SEL1L3: variants seen among roughly 807,000 people sequenced by gnomAD.
SEL1L3 encodes protein sel-1 homolog 3.
SEL1L3 carries 76 observed loss-of-function variants against 142.8 expected under a neutral mutation model. The observed-to-expected ratio is 0.53, with a 90% CI of 0.44 to 0.64. The LOEUF (loss-of-function observed/expected upper bound fraction) is 0.64, where lower values mean the gene tolerates loss of function less well. Among genes scored for constraint, SEL1L3 ranks in the 30% least tolerant of loss-of-function variants. The pLI, the probability that SEL1L3 is intolerant of heterozygous loss-of-function variation, is 0.00. For synonymous variants in SEL1L3, 504 were observed against 519.6 expected (o/e 0.97, Z 0.41); for missense variants, 1,262 against 1,381.7 (o/e 0.91, Z 1.37).
chr4:25,721,391 C>G, the SEL1L3 span, among the ~76,000 whole-genome samples: 9 of 151,314 alleles, frequency 5.9e-5, no homozygotes, highest in Non-Finnish European at 1.2e-4. Context: ...AAGCTCAGCT[C>G]TTTTGCGTTT....
intron 1 of SEL1L3, among the ~76,000 whole-genome samples, chr4:25,861,564 AAAAG>A (rs570007278): frequency 6.6e-6 from 1 of 152,202 alleles, no homozygotes; most frequent in Non-Finnish European, 1.5e-5. Context: ...TTAGCTTCCA[AAAAG>A]AAAGACTCCA....
At chr4:25,774,786 A>G (rs1719489626) in intron 17 of SEL1L3, among the ~76,000 whole-genome samples, 1 of 152,274 alleles carries the variant, frequency 6.6e-6, no homozygotes, top group South Asian at 2.1e-4. Flanking sequence ...CGGAGGCTGC[A>G]GTGAGCCAAG....
intron 7 of SEL1L3, among the ~76,000 whole-genome samples, 160 bp downstream of exon 7, chr4:25,821,836 G>C (rs530859013): frequency 5.3e-4 from 80 of 152,230 alleles, no homozygotes; most frequent in Admixed American, 2.3e-3. Flanking sequence ...AATTTTTATT[G>C]CATTTGCTGG....
the SEL1L3 span, among the ~76,000 whole-genome samples, chr4:25,724,565 C>A: frequency 6.6e-6 from 1 of 151,314 alleles, no homozygotes; most frequent in African/African-American, 2.4e-5. Context: ...CACAGTGAAA[C>A]CGTCTCTACT....
At chr4:25,846,029 T>C (rs1319497802) in intron 2 of SEL1L3, among the ~76,000 whole-genome samples, 4 of 152,126 alleles carry the variant, frequency 2.6e-5, no homozygotes, top group African/African-American at 9.7e-5. Flanking sequence ...GGAATTTGCA[T>C]TTGCAACAAG....
chr4:25,821,950 C>G (rs749975024), intron 7 of SEL1L3, 46 bp downstream of exon 7: 11 of 1,594,146 alleles, frequency 6.9e-6, no homozygotes, highest in Admixed American at 3.5e-5. Flanking sequence ...GAGGCCCACA[C>G]CCATCACCCA....
intron 9 of SEL1L3, among the ~76,000 whole-genome samples, chr4:25,811,479 A>G (rs1213148716): frequency 6.6e-6 from 1 of 151,314 alleles, no homozygotes; most frequent in Non-Finnish European, 1.5e-5. Flanking sequence ...AACTCTTAGC[A>G]GTCTGGATTG....
At chr4:25,777,120 T>C (rs1038180207) in intron 16 of SEL1L3, among the ~76,000 whole-genome samples, 7 of 151,806 alleles carry the variant, frequency 4.6e-5, no homozygotes, top group Admixed American at 4.6e-4. Context: ...CATTTAAGAA[T>C]GAAGAAAAGT....
rs532578805 is a variant in SEL1L3 at position 25,847,401 on chromosome 4, G to A, written c.626C>T (p.Pro209Leu). The A allele has an allele frequency of 2.9e-5, 46 of 1,613,850 alleles. No individual in the cohort carries two copies. Among genetic ancestry groups the A allele is most frequent in the South Asian group, 3.3e-5 (3 of 91,084 alleles). Residue 209 changes from proline to leucine, a missense_variant, in exon 2 of 24, where the codon CCG becomes CTG. By Grantham distance (98) the Pro-to-Leu change is moderately conservative (BLOSUM62 -3). This residue lies in a region of SEL1L3 where 689 missense variants were observed against 692.8 expected (regional missense o/e 0.99). Coordinates refer to ENST00000399878, the MANE Select transcript of SEL1L3 (RefSeq NM_015187.5). ...AKNYTLLQTIPPFERPFKDHQ... is the reference protein window; with the variant it reads ...AKNYTLLQTILPFERPFKDHQ... ...ATCTTTGAAAGGGCGTTCAAAAGGC[G>A]GGATGGTCTGCAGGAGGGTATAATT... is the stretch of plus-strand genomic sequence containing the variant.
At position 25,819,868 on chromosome 4, in the gene SEL1L3, G is replaced by C. The variant is rs1412050687; in HGVS notation, c.1363C>G (p.Gln455Glu). ...KLYYERCAEV[Q>E]EIVSVYASAA... ...GATGCATACACAGATACTATTTCTT[G>C]AACCTCAGCACACCTTTCATAATAT... Residue 455 changes from glutamine to glutamate, a missense_variant, in exon 8 of 24, where the codon CAA becomes GAA. By Grantham distance (29) the Gln-to-Glu change is conservative. This residue lies in a region of SEL1L3 where 689 missense variants were observed against 692.8 expected (regional missense o/e 0.99). Transcript: ENST00000399878. The C allele has an allele frequency of 6.2e-7, 1 of 1,613,352 alleles. No homozygotes were observed. The highest frequency in any genetic ancestry group is 1.7e-5 in the Admixed American group (1 of 59,950).
chr4:25,732,697 T>C, the SEL1L3 span, among the ~76,000 whole-genome samples: 1 of 151,850 alleles, frequency 6.6e-6, no homozygotes, highest in Non-Finnish European at 1.5e-5. Context: ...CTGGATTGGG[T>C]CTTTGGTCTT....
At chr4:25,828,173 C>T (rs987343100) in intron 6 of SEL1L3, among the ~76,000 whole-genome samples, 1 of 152,190 alleles carries the variant, frequency 6.6e-6, no homozygotes, top group Non-Finnish European at 1.5e-5. Flanking sequence ...TCTTTGCAGG[C>T]TAATAACACT....
intron 1 of SEL1L3, 105 bp from the exon 2 acceptor site, chr4:25,847,969 C>T (rs1716648645): frequency 1.3e-6 from 1 of 750,388 alleles, no homozygotes; most frequent in East Asian, 2.8e-5. Context: ...TATCAATCTA[C>T]ATAAAGCAAT....
intron 23 of SEL1L3, among the ~76,000 whole-genome samples, chr4:25,755,355 G>A (rs1717882668): frequency 6.6e-6 from 1 of 151,754 alleles, no homozygotes; most frequent in Admixed American, 6.6e-5. Flanking sequence ...CTCCCTCCTG[G>A]GCCTGTCAAA....
chr4:25,716,192 T>C, the SEL1L3 span, among the ~76,000 whole-genome samples: 1 of 151,756 alleles, frequency 6.6e-6, no homozygotes, highest in Admixed American at 6.6e-5. Context: ...AAATCCAATA[T>C]GAAAATGAAC....
intron 23 of SEL1L3, among the ~76,000 whole-genome samples, chr4:25,757,331 G>A (rs1641428046): frequency 6.6e-6 from 1 of 151,216 alleles, no homozygotes; most frequent in Non-Finnish European, 1.5e-5. Flanking sequence ...GTAACTTTGT[G>A]GCCTCCCACC....
chr4:25,852,319 G>A (rs1359428135), intron 1 of SEL1L3, among the ~76,000 whole-genome samples: 1 of 152,038 alleles, frequency 6.6e-6, no homozygotes, highest in Non-Finnish European at 1.5e-5. Context: ...CCTTCCCCAC[G>A]CCATAGCAAA....
chr4:25,782,898 A>G (rs2109173130), intron 14 of SEL1L3, among the ~76,000 whole-genome samples: 2 of 152,290 alleles, frequency 1.3e-5, no homozygotes, highest in South Asian at 2.1e-4. Flanking sequence ...TCCTACTTGC[A>G]CAGCACAGGT....
chr4:25,800,944 C>T (rs1367918665), intron 11 of SEL1L3, among the ~76,000 whole-genome samples: 1 of 152,222 alleles, frequency 6.6e-6, no homozygotes, highest in African/African-American at 2.4e-5. Flanking sequence ...CATTCCCAAA[C>T]ATCAAAGCTT....
Sources: gnomAD v4.1 joint callset for allele counts (sites outside exome capture counted in the v4.1 genomes callset) on GRCh38, gnomAD v4.1.1 for gene constraint, gnomAD v4.1.1 regional missense constraint, MANE v1.5 for transcripts, NCBI Gene and HGNC (gene_info 2026-07-23, HGNC 2026-07-21) for gene names.